KCNN2: variants seen among roughly 807,000 people sequenced by gnomAD.
KCNN2 encodes the protein small conductance calcium-activated potassium channel protein 2.
A neutral mutation model predicts 55.5 loss-of-function variants in KCNN2; 24 were observed. The ratio of observed to expected loss-of-function variants is 0.43; its 90% CI spans 0.31 to 0.61. The LOEUF (loss-of-function observed/expected upper bound fraction) is 0.61, where lower values mean the gene tolerates loss of function less well. Among genes scored for constraint, KCNN2 ranks in the 20% least tolerant of loss-of-function variants. The probability of loss-of-function intolerance (pLI) is 0.08; values close to 1 mark genes in which losing one functional copy is unlikely to be tolerated. For missense variants in KCNN2, 754 were observed against 853.6 expected (o/e 0.88, Z 1.45); for synonymous variants, 431 against 336.1 (o/e 1.28, Z -3.09).
chr5:114,259,547 C>T (rs779317097), intron 2 of KCNN2, among the ~76,000 whole-genome samples: 5 of 152,068 alleles, frequency 3.3e-5, no homozygotes, highest in African/African-American at 4.8e-5. Context: ...TGCAGCACAC[C>T]AACATGGCAC....
intron 1 of KCNN2, among the ~76,000 whole-genome samples, chr5:114,144,880 A>C (rs1752365807): frequency 6.6e-6 from 1 of 151,640 alleles, no homozygotes; most frequent in African/African-American, 2.4e-5. Flanking sequence ...AAGTCCTCAT[A>C]ATCTTTACTG....
chr5:114,219,728 G>C (rs146291300), intron 1 of KCNN2, among the ~76,000 whole-genome samples: 2,759 of 152,110 alleles, frequency 0.018, 40 homozygotes, highest in Non-Finnish European at 0.029. Flanking sequence ...TTGGCTTGAG[G>C]GTGGGGTTTT....
intron 3 of KCNN2, among the ~76,000 whole-genome samples, chr5:114,462,848 A>T (rs1761271026): frequency 1.3e-5 from 2 of 152,206 alleles, no homozygotes; most frequent in African/African-American, 2.4e-5. Flanking sequence ...CTTTCAGATG[A>T]TATATAAAGT....
At chr5:114,187,468 C>T (rs2112559265) in intron 1 of KCNN2, among the ~76,000 whole-genome samples, 1 of 150,328 alleles carries the variant, frequency 6.7e-6, no homozygotes, top group East Asian at 2.0e-4. Flanking sequence ...AAATATCTTT[C>T]CAAGGGCTAT....
chr5:114,407,530 A>T (rs538270543), intron 3 of KCNN2, among the ~76,000 whole-genome samples: 1 of 152,128 alleles, frequency 6.6e-6, no homozygotes, highest in Admixed American at 6.5e-5. Context: ...TTCCCCAAAG[A>T]TGCATTTTTC....
At chr5:114,093,803 C>T (rs1751198322) in intron 1 of KCNN2, among the ~76,000 whole-genome samples, 2 of 152,182 alleles carry the variant, frequency 1.3e-5, no homozygotes, top group South Asian at 4.1e-4. Context: ...ATTACCTCCA[C>T]CTGGTCTCTC....
At position 114,096,059 on chromosome 5, in the gene KCNN2, A is replaced by G. The variant is rs1353086546; in HGVS notation, c.-271+39559A>G. On this transcript the variant is annotated intron_variant, in intron 1 of 10. Coordinates refer to the KCNN2 transcript ENST00000512097. ...GAAGTCCCCTGGGGACTGAGTCCAC[A>G]GGTTGAGATCACTGTCCAGGAGCAG... is the stretch of plus-strand genomic sequence containing the variant. Among the ~76,000 whole-genome samples, 5 of 152,214 alleles carry G rather than the reference A, an allele frequency of 3.3e-5. No homozygotes were observed. The South Asian group carries it at 1.0e-3, about 32-fold the overall frequency.
At chr5:114,438,637 C>G (rs150107381) in intron 3 of KCNN2, among the ~76,000 whole-genome samples, 1 of 152,260 alleles carries the variant, frequency 6.6e-6, no homozygotes, top group African/African-American at 2.4e-5. Flanking sequence ...GATGCTTCCT[C>G]CTGTCCCCAT....
At chr5:114,482,230 G>A (rs563761108) in intron 5 of KCNN2, among the ~76,000 whole-genome samples, 40 of 152,086 alleles carry the variant, frequency 2.6e-4, no homozygotes, top group Admixed American at 2.0e-4. Context: ...GAACAGACAC[G>A]TCTTAAAAGA....
chr5:114,174,250 T>C (rs1176083335), intron 1 of KCNN2, among the ~76,000 whole-genome samples: 1 of 152,128 alleles, frequency 6.6e-6, no homozygotes, highest in South Asian at 2.1e-4. Context: ...CTTCATAAGA[T>C]ACATGAACCC....
chr5:114,218,990 T>C (rs997848962), intron 1 of KCNN2, among the ~76,000 whole-genome samples: 2 of 152,154 alleles, frequency 1.3e-5, no homozygotes, highest in African/African-American at 4.8e-5. Flanking sequence ...GCAAGCACTT[T>C]TGGGAACTGG....
intron 3 of KCNN2, among the ~76,000 whole-genome samples, chr5:114,425,463 A>C (rs1375878750): frequency 6.6e-6 from 1 of 152,178 alleles, no homozygotes; most frequent in Non-Finnish European, 1.5e-5. Flanking sequence ...CTTAGTTTAC[A>C]TGGTCCATAG....
In KCNN2 at chr5:114,457,165, A is replaced by G. The variant is rs534951072; in HGVS notation, c.1638-5884A>G. ...ATGTGGCAAACTTCATTGCTGTGTTATTTTAAGAAATTGCCACAGCCATCT... is the reference window on the plus strand; with the variant it reads ...ATGTGGCAAACTTCATTGCTGTGTTGTTTTAAGAAATTGCCACAGCCATCT... On this transcript the variant is annotated intron_variant, in intron 3 of 7. Coordinates refer to ENST00000673685, the MANE Select transcript of KCNN2 (RefSeq NM_021614.4). 5.0e-4 allele frequency among the ~76,000 whole-genome samples: 76 copies of G among 152,264 alleles called. No individual in the cohort carries two copies. The South Asian group carries it at 0.012, about 23-fold the overall frequency.
chr5:114,202,821 C>G (rs139575933), intron 1 of KCNN2, among the ~76,000 whole-genome samples: 1 of 151,992 alleles, frequency 6.6e-6, no homozygotes, highest in East Asian at 1.9e-4. Context: ...CTCCTGACCT[C>G]GTGATCTGCC....
intron 2 of KCNN2, among the ~76,000 whole-genome samples, chr5:114,247,202 C>CAAAAAAAAAAAAAAAAAAAAA (rs370172975): frequency 1.8e-4 from 12 of 68,092 alleles, no homozygotes; most frequent in African/African-American, 6.4e-4. Flanking sequence ...CATATGTCTC[C>CAAAAAAAAAAAAAAAAAAAAA]AAAAAAAAAA....
At chr5:114,390,267 T>C (rs1422173371) in intron 2 of KCNN2, among the ~76,000 whole-genome samples, 2 of 152,190 alleles carry the variant, frequency 1.3e-5, no homozygotes, top group African/African-American at 4.8e-5. Flanking sequence ...ATTTTATTTA[T>C]GATTGGTTCC....
chr5:114,068,969 C>G (rs1561461855), intron 1 of KCNN2, among the ~76,000 whole-genome samples: 1 of 152,098 alleles, frequency 6.6e-6, no homozygotes, highest in East Asian at 1.9e-4. Flanking sequence ...GCCTGCCAAC[C>G]ACGCCTGGCT....
intron 3 of KCNN2, among the ~76,000 whole-genome samples, chr5:114,461,389 C>T (rs1761183687): frequency 6.6e-6 from 1 of 152,162 alleles, no homozygotes; most frequent in African/African-American, 2.4e-5. Flanking sequence ...TTCTGCACCT[C>T]TGCCACAGAA....
chr5:114,388,317 G>C (rs1346548413), intron 2 of KCNN2, among the ~76,000 whole-genome samples: 5 of 152,006 alleles, frequency 3.3e-5, no homozygotes, highest in Non-Finnish European at 7.4e-5. Context: ...TAGATGTTAT[G>C]CAATTTATAT....
Sources: allele counts gnomAD v4.1 joint callset (sites outside exome capture counted in the v4.1 genomes callset), GRCh38; gene constraint gnomAD v4.1.1; transcripts MANE v1.5; gene names NCBI Gene and HGNC (gene_info 2026-07-23, HGNC 2026-07-21).